ADPRHL1: variants seen among roughly 807,000 people sequenced by gnomAD.
The protein encoded by ADPRHL1 is ADP-ribosylhydrolase like 1.
Under a neutral mutation model 44.1 loss-of-function variants are expected in ADPRHL1, and 43 were observed. That is an observed-to-expected ratio of 0.98 (90% CI 0.76 to 1.26). The LOEUF is 1.26. ADPRHL1 is among the 50% of genes most tolerant of loss of function. The pLI is 0.00. For synonymous variants in ADPRHL1, 878 were observed against 1,017.4 expected (o/e 0.86, Z 2.61); for missense variants, 2,022 against 2,496.9 (o/e 0.81, Z 4.05).
chr13:113,418,998 C>T (rs1007921829), intron 7 of ADPRHL1, among the ~76,000 whole-genome samples: 11 of 104,020 alleles, frequency 1.1e-4, no homozygotes, highest in Non-Finnish European at 1.7e-4. Flanking sequence ...CTCCCTCCCT[C>T]CCTTCCTCCC....
chr13:113,445,097 C>G (rs966196064), intron 1 of ADPRHL1, among the ~76,000 whole-genome samples: 1 of 152,194 alleles, frequency 6.6e-6, no homozygotes, highest in African/African-American at 2.4e-5. Flanking sequence ...AGCAGCATCC[C>G]CAGCCCCACA....
chr13:113,413,088 C>T lies in ADPRHL1; in HGVS notation c.1062-4868G>A, dbSNP rs1476993611. Among the ~76,000 whole-genome samples, 7 of 135,318 alleles carry T rather than the reference C, an allele frequency of 5.2e-5. No individual in the cohort carries two copies. The East Asian group carries it at 1.0e-3, about 20-fold the overall frequency. 88.8% of individuals were successfully genotyped at this position (135,318 alleles called of 152,430 possible). A position where few individuals can be genotyped will look rare whatever the true frequency, so the allele number is the denominator to read the frequency against. ...AGCTCGGTTCACCCACCGCCAACAG[C>T]GCCCCGCAGAGCTCGGTTCACCCAC... On this transcript the variant is annotated intron_variant, in intron 7 of 7. Coordinates refer to ENST00000612156, the MANE Select transcript of ADPRHL1 (RefSeq NM_001394807.1).
chr13:113,433,737 C>A lies in ADPRHL1; in HGVS notation c.505+5G>T. ...ACCTCCCTCCCACCCCCCGCCCACACTTACCTGTGGGATGGTTGTGGGTCA... is the reference window on the plus strand; with the variant it reads ...ACCTCCCTCCCACCCCCCGCCCACAATTACCTGTGGGATGGTTGTGGGTCA... On this transcript the variant is annotated splice_donor_5th_base_variant and intron_variant, in intron 3 of 7. Transcript: ENST00000612156. 1 of 1,588,238 alleles carries A rather than the reference C, an allele frequency of 6.3e-7. No individual in the cohort carries two copies. Among genetic ancestry groups the A allele is most frequent in the South Asian group, 1.1e-5 (1 of 87,822 alleles).
chr13:113,407,987 A>G lies in ADPRHL1; in HGVS notation c.1295T>C (p.Leu432Pro). 2.4e-6 allele frequency: 3 copies of G among 1,232,320 alleles called. No individual in the cohort carries two copies. Among genetic ancestry groups the G allele is most frequent in the South Asian group, 4.1e-5 (1 of 24,328 alleles). The allele number at this position is 1,232,320 out of a possible 1,614,324, so 76.3% of individuals were successfully genotyped here. The change falls in exon 8 of 8, where the codon CTG (leucine) becomes CCG (proline). Residue 432 changes from leucine to proline, a missense_variant. By Grantham distance (98) the Leu-to-Pro change is moderately conservative. Transcript: ENST00000612156. The stretch of plus-strand genomic sequence containing the variant: ...GCCAGTGCCCAGGAACTTGGCCTGC[A>G]GGAGCTGGAAGCGCGTGGGCCGCTG... ...ATQRPTRFQL[L>P]QAKFLGTGRE...
chr13:113,451,487 C>T lies in ADPRHL1; in HGVS notation c.214+1737G>A, dbSNP rs182419340. On this transcript the variant is annotated intron_variant, in intron 1 of 7. Coordinates refer to ENST00000612156, the MANE Select transcript of ADPRHL1 (RefSeq NM_001394807.1). ...TCCCTTCCAGTCCACAGCTGAGGAC[C>T]CTGAGAGCTTAGAGCAAACTTACTT... 2.0e-5 allele frequency among the ~76,000 whole-genome samples: 3 copies of T among 152,114 alleles called. No individual in the cohort carries two copies. The East Asian group carries it at 5.8e-4, about 29-fold the overall frequency.
intron 7 of ADPRHL1, among the ~76,000 whole-genome samples, chr13:113,414,724 GGA>G (rs1178805161): frequency 6.6e-6 from 1 of 150,956 alleles, no homozygotes; most frequent in Non-Finnish European, 1.5e-5. Context: ...CACTCAGGCT[GGA>G]GTGCAATGGC....
intron 7 of ADPRHL1, chr13:113,422,043 T>C (rs2043927592): frequency 6.6e-6 from 1 of 152,238 alleles, no homozygotes; most frequent in African/African-American, 2.4e-5. Context: ...TCCAAGACTC[T>C]CTGAGAGAGA....
intron 3 of ADPRHL1, among the ~76,000 whole-genome samples, chr13:113,429,939 G>A (rs774051173): frequency 5.3e-5 from 8 of 152,240 alleles, no homozygotes; most frequent in Non-Finnish European, 7.3e-5. Flanking sequence ...ATGCATGCGA[G>A]TATATATGTA....
intron 7 of ADPRHL1, among the ~76,000 whole-genome samples, chr13:113,421,202 C>T (rs1413007298): frequency 1.3e-5 from 2 of 148,376 alleles, no homozygotes; most frequent in Non-Finnish European, 3.0e-5. Flanking sequence ...CACCCCTACC[C>T]CCGGGACACG....
chr13:113,437,872 C>T (rs570383171), intron 2 of ADPRHL1, among the ~76,000 whole-genome samples: 38 of 152,190 alleles, frequency 2.5e-4, no homozygotes, highest in Non-Finnish European at 1.5e-4. Flanking sequence ...TGCTCTGTGG[C>T]CCAGGCTGGA....
rs550146408 is a variant in ADPRHL1 at position 113,407,348 on chromosome 13, G to C, written c.1934C>G (p.Ala645Gly). Residue 645 changes from alanine (A) to glycine (G), a missense_variant, in exon 8 of 8, where the codon GCA becomes GGA. By Grantham distance (60) the Ala-to-Gly change is moderately conservative. Coordinates refer to ENST00000612156, the MANE Select transcript of ADPRHL1 (RefSeq NM_001394807.1). ...GGCTTCTCCTCTGGGTGGACGCCTT[G>C]CCTCCGAGTGGCTGATTTTGGTGCA... ...SHCTKISHSE[A>G]RRPPRGEASV... 16 of 1,232,016 alleles carry C rather than the reference G, an allele frequency of 1.3e-5. No individual in the cohort carries two copies. The South Asian group carries it at 6.6e-4, about 51-fold the overall frequency. 76.3% of individuals were successfully genotyped at this position (1,232,016 alleles called of 1,614,324 possible). A position where few individuals can be genotyped will look rare whatever the true frequency, so the allele number is the denominator to read the frequency against.
At chr13:113,419,822 C>T (rs1003336813) in intron 7 of ADPRHL1, among the ~76,000 whole-genome samples, 4 of 152,216 alleles carry the variant, frequency 2.6e-5, no homozygotes, top group African/African-American at 9.6e-5. Context: ...ATGACATATA[C>T]CATGCTTCCT....
At position 113,409,375 on chromosome 13, in the gene ADPRHL1, G is replaced by A; in HGVS notation, c.1062-1155C>T. On this transcript the variant is annotated intron_variant, in intron 7 of 7. Coordinates refer to ENST00000612156, the MANE Select transcript of ADPRHL1 (RefSeq NM_001394807.1). The surrounding 1 kb of genome is among the most constrained non-coding windows in gnomAD (Gnocchi z 4.2). Reference sequence around the variant, plus strand: ...CACACCTGTTAGTCATTCATTCTAAGGAGATCATCAGGGATGAGGAACAAA... The same window carrying A: ...CACACCTGTTAGTCATTCATTCTAAAGAGATCATCAGGGATGAGGAACAAA... The A allele has an allele frequency of 1.0e-6, 1 of 985,400 alleles. No homozygotes were observed. The allele number at this position is 985,400 out of a possible 1,614,324, so 61.0% of individuals were successfully genotyped here.
Position 113,403,583 on chromosome 13 carries a change from G to A in ADPRHL1, c.5699C>T (p.Ala1900Val). 1 of 1,231,742 alleles carries A rather than the reference G, an allele frequency of 8.1e-7. No homozygotes were observed. The highest frequency in any genetic ancestry group is 1.0e-6 in the Non-Finnish European group (1 of 987,974). The allele number at this position is 1,231,742 out of a possible 1,614,324, so 76.3% of individuals were successfully genotyped here. A position where few individuals can be genotyped will look rare whatever the true frequency, so the allele number is the denominator to read the frequency against. Reference sequence around the variant, plus strand: ...GTCTGGGGACCCCTCCTGGGCCGGGGCCTGGGGAGTCCCGCAGCCCCCAGC... The same window carrying A: ...GTCTGGGGACCCCTCCTGGGCCGGGACCTGGGGAGTCCCGCAGCCCCCAGC... ...PEAGGCGTPQ[A>V]PAQEGSPDHP... Residue 1900 changes from alanine to valine, a missense_variant, in exon 8 of 8, where the codon GCC (alanine) becomes GTC (valine). Ala to Val is a moderately conservative substitution (Grantham distance 64). Transcript: ENST00000612156.
At chr13:113,411,354 C>A (rs972337974) in intron 7 of ADPRHL1, among the ~76,000 whole-genome samples, 4 of 152,066 alleles carry the variant, frequency 2.6e-5, no homozygotes, top group African/African-American at 9.7e-5. Context: ...CGAGGCTGAG[C>A]GTCTGTTCTG....
chr13:113,411,906 A>G (rs1257183692), intron 7 of ADPRHL1, among the ~76,000 whole-genome samples: 1 of 152,138 alleles, frequency 6.6e-6, no homozygotes, highest in Admixed American at 6.5e-5. Context: ...CTGTCCTGCC[A>G]TTCCCCTGGG....
intron 3 of ADPRHL1, 26 bp from the exon 4 acceptor site, chr13:113,429,118 G>T: frequency 6.3e-7 from 1 of 1,598,212 alleles, no homozygotes; most frequent in East Asian, 2.3e-5. Flanking sequence ...GAGAGAGGGG[G>T]CACCATCACC....
At chr13:113,440,178 TGGA>T (rs1437198663) in intron 2 of ADPRHL1, among the ~76,000 whole-genome samples, 3 of 152,230 alleles carry the variant, frequency 2.0e-5, no homozygotes, top group Admixed American at 6.5e-5. Flanking sequence ...AGCCAATGGC[TGGA>T]GACCTTCATG....
Position 113,407,218 on chromosome 13 carries a change from G to C in ADPRHL1, c.2064C>G (p.Pro688=). The change falls in exon 8 of 8, where the codon CCC becomes CCG. Residue 688 remains proline, a synonymous_variant. Transcript: ENST00000612156. ...TCTGAGCCATCACCTGGGGTGTCAC[G>C]GGCTTCGAGGGCCTTGGCTGTCTTT... ...EPQRQPRPSK[P]VTPQVMAQRD... 1 of 1,232,202 alleles carries C rather than the reference G, an allele frequency of 8.1e-7. No homozygotes were observed. The highest frequency in any genetic ancestry group is 1.0e-6 in the Non-Finnish European group (1 of 988,082). The allele number at this position is 1,232,202 out of a possible 1,614,324, so 76.3% of individuals were successfully genotyped here.
Sources: gnomAD v4.1 joint callset for allele counts (sites outside exome capture counted in the v4.1 genomes callset) on GRCh38, gnomAD v4.1.1 for gene constraint, Gnocchi (gnomAD v3.1) non-coding constraint, MANE v1.5 for transcripts, NCBI Gene and HGNC (gene_info 2026-07-23, HGNC 2026-07-21) for gene names.